RGS6: variants seen among roughly 807,000 people sequenced by gnomAD.
RGS6 encodes the protein regulator of G-protein signaling 6.
In RGS6, 30 loss-of-function variants were observed where a neutral mutation model predicts 78.5. That is an observed-to-expected ratio of 0.38 (90% CI 0.29 to 0.52). The LOEUF (loss-of-function observed/expected upper bound fraction) is 0.52, where lower values mean the gene tolerates loss of function less well. RGS6 is among the 20% of genes least tolerant of loss of function. The pLI is 0.85. For synonymous variants in RGS6, 206 were observed against 206.0 expected (o/e 1.00, Z 0.00); for missense variants, 495 against 609.7 (o/e 0.81, Z 1.98).
chr14:72,067,428 A>G (rs112819148), intron 2 of RGS6, among the ~76,000 whole-genome samples: 65 of 152,210 alleles, frequency 4.3e-4, no homozygotes, highest in African/African-American at 1.5e-3. Flanking sequence ...ATGTATACCT[A>G]TGTAACAAAC....
At chr14:72,270,357 AAG>A (rs2059755463) in intron 2 of RGS6, among the ~76,000 whole-genome samples, 1 of 152,198 alleles carries the variant, frequency 6.6e-6, no homozygotes, top group African/African-American at 2.4e-5. Context: ...AAGAGAAAGA[AAG>A]AGGAAATAAA....
chr14:72,500,998 C>T (rs373390976), intron 13 of RGS6, among the ~76,000 whole-genome samples: 9 of 152,074 alleles, frequency 5.9e-5, no homozygotes, highest in East Asian at 5.8e-4. Context: ...CCCTCCCAAA[C>T]GCTTCATGAG....
chr14:72,432,980 G>C (rs7159534), intron 3 of RGS6, among the ~76,000 whole-genome samples: 103,754 of 152,088 alleles, frequency 0.68, 35,928 homozygotes, highest in East Asian at 0.98. Context: ...TCATAGGTCC[G>C]TGTTGTAGCT....
intron 1 of RGS6, among the ~76,000 whole-genome samples, chr14:71,942,977 A>C (rs1191760932): frequency 6.6e-6 from 1 of 152,164 alleles, no homozygotes; most frequent in African/African-American, 2.4e-5. Flanking sequence ...AAATCTGTCC[A>C]TGGTAGAGTT....
intron 2 of RGS6, among the ~76,000 whole-genome samples, chr14:72,326,591 G>C (rs1268249151): frequency 2.0e-5 from 3 of 152,164 alleles, no homozygotes; most frequent in African/African-American, 7.2e-5. Context: ...TGCGGTGACT[G>C]TAAGCTTCCT....
intron 2 of RGS6, among the ~76,000 whole-genome samples, chr14:72,236,469 A>G (rs955944830): frequency 1.3e-5 from 2 of 152,200 alleles, no homozygotes; most frequent in African/African-American, 4.8e-5. Flanking sequence ...GTTTTGACAA[A>G]TGCATACACC....
downstream of RGS6, chr14:72,566,628 A>C (rs2097712191): frequency 1.5e-5 from 1 of 66,052 alleles, no homozygotes. Context: ...CTTCCCCATT[A>C]TCACACACAC....
At chr14:72,580,870 A>T in the RGS6 span, among the ~76,000 whole-genome samples, 1 of 152,178 alleles carries the variant, frequency 6.6e-6, no homozygotes, top group Non-Finnish European at 1.5e-5. Flanking sequence ...CCTGCCTTCA[A>T]CCTGCTCTGC....
intron 2 of RGS6, among the ~76,000 whole-genome samples, chr14:72,303,181 C>T (rs937119026): frequency 6.6e-6 from 1 of 152,168 alleles, no homozygotes; most frequent in Non-Finnish European, 1.5e-5. Flanking sequence ...TTTCATCATG[C>T]ACCACATCAT....
intron 1 of RGS6, among the ~76,000 whole-genome samples, chr14:71,964,161 A>G (rs1380530557): frequency 1.3e-5 from 2 of 152,228 alleles, no homozygotes; most frequent in African/African-American, 4.8e-5. Flanking sequence ...AGCTTTGGCA[A>G]GGTGAACTCA....
At chr14:71,902,619 A>G in the RGS6 span, among the ~76,000 whole-genome samples, 18 of 152,340 alleles carry the variant, frequency 1.2e-4, no homozygotes, top group African/African-American at 3.1e-4. Context: ...AGTCAAGAGG[A>G]AAACTCCGAG....
At chr14:72,052,909 CAG>C (rs376462794) in intron 2 of RGS6, among the ~76,000 whole-genome samples, 454 of 151,510 alleles carry the variant, frequency 3.0e-3, no homozygotes, top group African/African-American at 0.01. Flanking sequence ...TGCACATGTT[CAG>C]AGTTTCATTG....
intron 13 of RGS6, 115 bp downstream of exon 13, chr14:72,495,377 C>T (rs2096631052): frequency 1.4e-6 from 1 of 727,980 alleles, no homozygotes; most frequent in East Asian, 2.7e-5. Flanking sequence ...AGAACAGAAA[C>T]CCCTCAAGTA....
chr14:72,166,093 GACACACACACACACACACACACACAC>G (rs3055029), intron 2 of RGS6, among the ~76,000 whole-genome samples: 3 of 107,694 alleles, frequency 2.8e-5, no homozygotes, highest in African/African-American at 9.5e-5. Flanking sequence ...CCATTTTTGA[GACACACACACACACACACACACACAC>G]ACACACACAC....
In RGS6 at chr14:72,188,805, C is replaced by T. The variant is rs552354254; in HGVS notation, c.85-163290C>T. Reference sequence around the variant, plus strand: ...AGCATAGGGATGACTTCATTGCTCACGACACCAATGTGCCTTAAAATTCTG... The same window carrying T: ...AGCATAGGGATGACTTCATTGCTCATGACACCAATGTGCCTTAAAATTCTG... On this transcript the variant is annotated intron_variant, in intron 2 of 17. Transcript: ENST00000553525. Among the ~76,000 whole-genome samples, 70 of 152,222 alleles carry T rather than the reference C, an allele frequency of 4.6e-4. 2 individuals carry two copies. The highest frequency in any genetic ancestry group is 1.3e-3 in the African/African-American group (52 of 41,530).
chr14:72,357,070 A>G (rs1225583910), intron 3 of RGS6, among the ~76,000 whole-genome samples: 2 of 152,108 alleles, frequency 1.3e-5, no homozygotes, highest in Non-Finnish European at 2.9e-5. Context: ...CGGGAGTTCA[A>G]GACCAGCCTG....
chr14:71,874,436 C>A, the RGS6 span, among the ~76,000 whole-genome samples: 1 of 152,076 alleles, frequency 6.6e-6, no homozygotes, highest in Non-Finnish European at 1.5e-5. Context: ...TGATTTGGCT[C>A]TCTGTTTGTT....
chr14:72,265,264 C>T (rs740337), intron 2 of RGS6, among the ~76,000 whole-genome samples: 1 of 151,936 alleles, frequency 6.6e-6, no homozygotes, highest in African/African-American at 2.4e-5. Context: ...GCATACATGA[C>T]GGATCAGAAA....
chr14:72,556,083 T>C (rs1413295196), intron 17 of RGS6, among the ~76,000 whole-genome samples: 1 of 151,198 alleles, frequency 6.6e-6, no homozygotes, highest in Non-Finnish European at 1.5e-5. Flanking sequence ...GCAACTCTTC[T>C]TTTGTAGATT....
Sources: gnomAD v4.1 joint callset for allele counts (sites outside exome capture counted in the v4.1 genomes callset) on GRCh38, gnomAD v4.1.1 for gene constraint, MANE v1.5 for transcripts, NCBI Gene and HGNC (gene_info 2026-07-23, HGNC 2026-07-21) for gene names.